Variants in MPP7 observed in about 807,000 individuals in gnomAD.
MPP7 encodes the protein MAGUK p55 scaffold protein 7.
Under a neutral mutation model 76.5 loss-of-function variants are expected in MPP7, and 60 were observed. That is an observed-to-expected ratio of 0.78 (90% CI 0.64 to 0.97). The LOEUF is 0.97. Among genes scored for constraint, MPP7 ranks in the 50% least tolerant of loss-of-function variants. The pLI, the probability that MPP7 is intolerant of heterozygous loss-of-function variation, is 0.00. For missense variants in MPP7, 641 were observed against 694.0 expected, an observed-to-expected ratio of 0.92 and a Z score of 0.86; for synonymous variants, 237 against 244.5, an observed-to-expected ratio of 0.97 and a Z score of 0.29.
chr10:28,296,996 A>T (rs1293131402), intron 1 of MPP7, among the ~76,000 whole-genome samples: 7 of 151,770 alleles, frequency 4.6e-5, no homozygotes, highest in African/African-American at 1.7e-4. Flanking sequence ...ATAAATAAAG[A>T]CCAATAAATC....
intron 12 of MPP7, among the ~76,000 whole-genome samples, chr10:28,075,718 T>C (rs1265992949): frequency 6.6e-6 from 1 of 152,142 alleles, no homozygotes; most frequent in Non-Finnish European, 1.5e-5. Flanking sequence ...CAGATGCACC[T>C]TAAGGAAATA....
chr10:28,162,605 G>A (rs1355407265), intron 3 of MPP7, among the ~76,000 whole-genome samples: 5 of 152,150 alleles, frequency 3.3e-5, no homozygotes, highest in African/African-American at 9.7e-5. Context: ...TTATTAATTC[G>A]TTGTTCAATA....
At chr10:28,113,201 G>A (rs973381310) in intron 11 of MPP7, among the ~76,000 whole-genome samples, 3 of 152,108 alleles carry the variant, frequency 2.0e-5, no homozygotes, top group African/African-American at 7.2e-5. Flanking sequence ...ACTCCCAGAA[G>A]GAAAGCTTGC....
intron 11 of MPP7, among the ~76,000 whole-genome samples, chr10:28,096,535 C>T (rs911472433): frequency 6.6e-6 from 1 of 152,102 alleles, no homozygotes; most frequent in Non-Finnish European, 1.5e-5. Context: ...AATAAGGTCA[C>T]GAGCCCTTTG....
chr10:28,243,119 T>C (rs1169588853), intron 1 of MPP7, among the ~76,000 whole-genome samples: 2 of 152,050 alleles, frequency 1.3e-5, no homozygotes, highest in Non-Finnish European at 2.9e-5. Flanking sequence ...AGACAAACTA[T>C]GGTTATTCAA....
intron 3 of MPP7, among the ~76,000 whole-genome samples, chr10:28,173,556 T>C (rs1836758775): frequency 6.6e-6 from 1 of 152,214 alleles, no homozygotes; most frequent in African/African-American, 2.4e-5. Context: ...CCTGAGACCC[T>C]CATCAAGAGC....
chr10:28,297,175 G>T (rs776388119), intron 1 of MPP7, among the ~76,000 whole-genome samples: 14 of 152,182 alleles, frequency 9.2e-5, no homozygotes, highest in Non-Finnish European at 1.8e-4. Flanking sequence ...CTTTCCAAGT[G>T]CATATAGAAG....
intron 11 of MPP7, among the ~76,000 whole-genome samples, chr10:28,104,083 C>T (rs1203869047): frequency 2.0e-5 from 3 of 151,668 alleles, no homozygotes; most frequent in South Asian, 2.1e-4. Flanking sequence ...ATGAGGAATA[C>T]AAAAAGAAAA....
intron 3 of MPP7, among the ~76,000 whole-genome samples, chr10:28,160,947 T>C (rs1836238531): frequency 6.6e-6 from 1 of 152,226 alleles, no homozygotes; most frequent in Non-Finnish European, 1.5e-5. Context: ...TTCATGAAAC[T>C]GAAGTTTGCT....
intron 6 of MPP7, among the ~76,000 whole-genome samples, chr10:28,130,522 T>A (rs1835158332): frequency 6.6e-6 from 1 of 152,216 alleles, no homozygotes. Context: ...TTGCCAAGCA[T>A]TTCCTGACCA....
At chr10:28,147,195 A>T (rs1240574362) in intron 5 of MPP7, among the ~76,000 whole-genome samples, 1 of 152,218 alleles carries the variant, frequency 6.6e-6, no homozygotes, top group Non-Finnish European at 1.5e-5. Flanking sequence ...AATTACTAGT[A>T]GGTTCTGTAT....
intron 1 of MPP7, among the ~76,000 whole-genome samples, chr10:28,295,883 G>A (rs1337134572): frequency 6.6e-6 from 1 of 152,122 alleles, no homozygotes; most frequent in African/African-American, 2.4e-5. Context: ...TTCTAATAAG[G>A]CCTTTTTTTG....
At chr10:28,088,464 C>G (rs1853126934) in intron 12 of MPP7, among the ~76,000 whole-genome samples, 1 of 152,152 alleles carries the variant, frequency 6.6e-6, no homozygotes, top group Non-Finnish European at 1.5e-5. Flanking sequence ...CTCTCTCTCT[C>G]CCCTGCTGCC....
At chr10:28,323,660 C>A (rs977391822) in intron 2 of MPP7, among the ~76,000 whole-genome samples, 3 of 151,712 alleles carry the variant, frequency 2.0e-5, no homozygotes, top group Non-Finnish European at 4.4e-5. Context: ...GCTTGGGCAA[C>A]ATAACAAGGC....
In MPP7 at chr10:28,250,975, C is replaced by A. The variant is rs142951932; in HGVS notation, c.-131-12240G>T. Among the ~76,000 whole-genome samples the A allele has an allele frequency of 1.3e-3, 198 of 152,210 alleles. 1 individual carries two copies. The highest frequency in any genetic ancestry group is 4.7e-3 in the African/African-American group (197 of 41,532). On this transcript the variant is annotated intron_variant, in intron 1 of 16. Coordinates refer to ENST00000683449, the MANE Select transcript of MPP7 (RefSeq NM_001318170.2). ...TCCTTTCAAATTCAGTAGAGGGTGC[C>A]ATGATTTAATTTTTAAAAGGAAAAT...
At chr10:28,160,609 G>A (rs1310523561) in intron 3 of MPP7, among the ~76,000 whole-genome samples, 1 of 152,172 alleles carries the variant, frequency 6.6e-6, no homozygotes, top group Non-Finnish European at 1.5e-5. Flanking sequence ...GCCACACCTT[G>A]AGAACCACGA....
intron 1 of MPP7, among the ~76,000 whole-genome samples, chr10:28,250,119 C>T (rs546271303): frequency 1.3e-5 from 2 of 151,998 alleles, no homozygotes; most frequent in East Asian, 3.9e-4. Context: ...AACCCATTAT[C>T]TATACCACCA....
Position 28,124,148 on chromosome 10 carries a change from T to TG in MPP7, c.530-33dup, listed in dbSNP as rs1294840807. 9.1e-6 allele frequency: 13 copies of TG among 1,434,616 alleles called. No homozygotes were observed. In the South Asian group the frequency reaches 1.5e-4, roughly 16 times the overall value. The allele number at this position is 1,434,616 out of a possible 1,614,324, so 88.9% of individuals were successfully genotyped here. A position where few individuals can be genotyped will look rare whatever the true frequency, so the allele number is the denominator to read the frequency against. On this transcript the variant is annotated intron_variant, in intron 7 of 16. Coordinates refer to ENST00000683449, the MANE Select transcript of MPP7 (RefSeq NM_001318170.2). ...AATAGGAGATTTGGTAAATTAGCAGTGTTACCCACAACCAAAACTGTAATT... is the reference window on the plus strand; with the variant it reads ...AATAGGAGATTTGGTAAATTAGCAGTGGTTACCCACAACCAAAACTGTAATT...
chr10:28,187,536 C>T (rs1289939146), intron 3 of MPP7, among the ~76,000 whole-genome samples: 3 of 152,102 alleles, frequency 2.0e-5, no homozygotes, highest in Non-Finnish European at 4.4e-5. Context: ...TTTGTTTTTC[C>T]TCCCACCCAA....
Sources: allele counts gnomAD v4.1 joint callset (sites outside exome capture counted in the v4.1 genomes callset), GRCh38; gene constraint gnomAD v4.1.1; transcripts MANE v1.5; gene names NCBI Gene and HGNC (gene_info 2026-07-23, HGNC 2026-07-21).